The following SLC24A3 variants were observed in gnomAD, a reference collection of about 807,000 sequenced individuals.
SLC24A3 encodes the protein solute carrier family 24 member 3, also known as sodium/potassium/calcium exchanger 3.
SLC24A3 carries 28 observed loss-of-function variants against 75.8 expected under a neutral mutation model. The observed-to-expected ratio is 0.37, with a 90% confidence interval of 0.27 to 0.51. The LOEUF (loss-of-function observed/expected upper bound fraction) is 0.51, where lower values mean the gene tolerates loss of function less well. SLC24A3 is among the 20% of genes least tolerant of loss of function. The pLI is 0.94. For missense variants in SLC24A3, 663 were observed against 847.8 expected (o/e 0.78, Z 2.71); for synonymous variants, 372 against 334.1 (o/e 1.11, Z -1.24).
chr20:19,360,418 G>GTGGA (rs1486469392), intron 2 of SLC24A3, among the ~76,000 whole-genome samples: 11 of 152,222 alleles, frequency 7.2e-5, no homozygotes, highest in African/African-American at 2.7e-4. Flanking sequence ...ATCTTAACAT[G>GTGGA]TGGATGTCAC....
chr20:19,260,312 A>T (rs1303532784), intron 1 of SLC24A3, among the ~76,000 whole-genome samples: 3 of 152,210 alleles, frequency 2.0e-5, no homozygotes, highest in African/African-American at 7.2e-5. Flanking sequence ...GGAAGTGAGG[A>T]TAACAACACC....
chr20:19,673,621 T>G lies in SLC24A3; in HGVS notation c.734T>G (p.Val245Gly). 1.2e-6 allele frequency: 2 copies of G among 1,614,180 alleles called. No individual in the cohort carries two copies. The highest frequency in any genetic ancestry group is 1.7e-6 in the Non-Finnish European group (2 of 1,179,980). The change falls in exon 9 of 17, where the codon GTG becomes GGG. Residue 245 changes from valine to glycine, a missense_variant. This residue lies in a region of SLC24A3 where 510 missense variants were observed against 703.6 expected (regional missense o/e 0.72). Transcript: ENST00000328041. ...CACAGGTGGGAGTCTTTAGTCCTTG[T>G]GCTGATGTATCTTATCTACATTGTC... Reference protein sequence around the residue: ...KVSWWESLVLVLMYLIYIVIM... With the variant: ...KVSWWESLVLGLMYLIYIVIM...
intron 1 of SLC24A3, among the ~76,000 whole-genome samples, chr20:19,230,584 A>G (rs531680479): frequency 3.4e-5 from 5 of 145,432 alleles, no homozygotes; most frequent in Non-Finnish European, 7.5e-5. Flanking sequence ...ATTTCCGGGA[A>G]CTGGGGTCTC....
At chr20:19,236,826 C>T (rs1400719995) in intron 1 of SLC24A3, among the ~76,000 whole-genome samples, 3 of 152,134 alleles carry the variant, frequency 2.0e-5, no homozygotes, top group African/African-American at 7.2e-5. Context: ...GAAAGGTCAA[C>T]AGCTGTGGCA....
chr20:19,310,438 G>A (rs771795270), intron 2 of SLC24A3, among the ~76,000 whole-genome samples: 1 of 152,224 alleles, frequency 6.6e-6, no homozygotes. Flanking sequence ...TAAACCTGGT[G>A]TATGAAATAA....
chr20:19,221,721 G>A (rs182606471), intron 1 of SLC24A3, among the ~76,000 whole-genome samples: 1 of 152,054 alleles, frequency 6.6e-6, no homozygotes, highest in Non-Finnish European at 1.5e-5. Context: ...AATCATTTTC[G>A]AAGCCTGTAT....
chr20:19,237,264 C>T (rs761034415), intron 1 of SLC24A3, among the ~76,000 whole-genome samples: 19 of 152,096 alleles, frequency 1.2e-4, no homozygotes, highest in Non-Finnish European at 2.6e-4. Flanking sequence ...CCTGGGCCTG[C>T]AGGCGGGGGT....
chr20:19,580,096 T>A, intron 4 of SLC24A3, 22 bp downstream of exon 4: 2 of 1,604,400 alleles, frequency 1.2e-6, no homozygotes, highest in Non-Finnish European at 8.5e-7. Context: ...ACATTCTTGG[T>A]ATGTGTGAGC....
chr20:19,494,041 G>A (rs1484897237), intron 2 of SLC24A3, among the ~76,000 whole-genome samples: 1 of 152,220 alleles, frequency 6.6e-6, no homozygotes, highest in Non-Finnish European at 1.5e-5. Flanking sequence ...AGGGCCTGGG[G>A]TGCATAGATC....
At chr20:19,634,310 C>T (rs146103064) in intron 6 of SLC24A3, among the ~76,000 whole-genome samples, 95 of 152,296 alleles carry the variant, frequency 6.2e-4, no homozygotes, top group African/African-American at 2.1e-3. Context: ...CTCTCCCACT[C>T]CTGGGAGCCA....
intron 1 of SLC24A3, among the ~76,000 whole-genome samples, chr20:19,236,712 C>T (rs892409603): frequency 7.9e-5 from 12 of 152,126 alleles, no homozygotes; most frequent in Admixed American, 6.5e-4. Context: ...ACTATGATTG[C>T]GCCACTTCAC....
intron 2 of SLC24A3, among the ~76,000 whole-genome samples, chr20:19,499,352 G>A (rs946320492): frequency 1.3e-5 from 2 of 152,176 alleles, no homozygotes; most frequent in Non-Finnish European, 2.9e-5. Flanking sequence ...TGAGAACTGG[G>A]TGCCAGCATG....
At chr20:19,290,336 G>A (rs931395966) in intron 2 of SLC24A3, among the ~76,000 whole-genome samples, 4 of 152,178 alleles carry the variant, frequency 2.6e-5, no homozygotes, top group African/African-American at 9.7e-5. Flanking sequence ...GTTATAGTCT[G>A]AGTGTTTGTG....
At chr20:19,546,452 A>G (rs1242778469) in intron 3 of SLC24A3, among the ~76,000 whole-genome samples, 3 of 152,172 alleles carry the variant, frequency 2.0e-5, no homozygotes, top group African/African-American at 7.2e-5. Context: ...ATCAATGCCT[A>G]AAACAGAGCT....
intron 8 of SLC24A3, among the ~76,000 whole-genome samples, chr20:19,670,032 G>A (rs966427782): frequency 6.6e-6 from 1 of 152,138 alleles, no homozygotes; most frequent in Non-Finnish European, 1.5e-5. Context: ...GACCAAGGAG[G>A]GCCGGGTGAC....
intron 15 of SLC24A3, among the ~76,000 whole-genome samples, chr20:19,715,958 G>T (rs2033041049): frequency 6.6e-6 from 1 of 152,218 alleles, no homozygotes; most frequent in Admixed American, 6.5e-5. Flanking sequence ...AAAAATGAAT[G>T]TCAAGATCCC....
intron 6 of SLC24A3, among the ~76,000 whole-genome samples, chr20:19,594,848 C>T (rs2031431058): frequency 6.6e-6 from 1 of 152,132 alleles, no homozygotes; most frequent in Non-Finnish European, 1.5e-5. Context: ...AAAGAAAGTA[C>T]ATGAGAGAGA....
At chr20:19,267,180 AT>A (rs1452161113) in intron 1 of SLC24A3, among the ~76,000 whole-genome samples, 2 of 152,220 alleles carry the variant, frequency 1.3e-5, no homozygotes, top group Non-Finnish European at 2.9e-5. Flanking sequence ...GATAGAATAT[AT>A]TTAACCATTT....
At chr20:19,412,973 G>A (rs995625028) in intron 2 of SLC24A3, among the ~76,000 whole-genome samples, 3 of 152,190 alleles carry the variant, frequency 2.0e-5, no homozygotes, top group African/African-American at 7.2e-5. Flanking sequence ...CTTAAATGGG[G>A]AGGAATATCC....
Sources: gnomAD v4.1 joint callset for allele counts (sites outside exome capture counted in the v4.1 genomes callset) on GRCh38, gnomAD v4.1.1 for gene constraint, gnomAD v4.1.1 regional missense constraint, MANE v1.5 for transcripts, NCBI Gene and HGNC (gene_info 2026-07-23, HGNC 2026-07-21) for gene names.